Variants in FGD4 observed in about 807,000 individuals in gnomAD.
The protein encoded by FGD4 is FYVE, RhoGEF and PH domain containing 4, also known as FYVE, RhoGEF and PH domain-containing protein 4.
Under a neutral mutation model 102.0 loss-of-function variants are expected in FGD4, and 42 were observed. The observed-to-expected ratio is 0.41, with a 90% confidence interval of 0.32 to 0.53. The LOEUF (loss-of-function observed/expected upper bound fraction) is 0.53. FGD4 is among the 20% of genes least tolerant of loss of function. The pLI, the probability that FGD4 is intolerant of heterozygous loss-of-function variation, is 0.21. For synonymous variants in FGD4, 380 were observed against 375.7 expected, an observed-to-expected ratio of 1.01 and a Z score of -0.13; for missense variants, 902 against 1,078.2, an observed-to-expected ratio of 0.84 and a Z score of 2.29.
intron 4 of FGD4, among the ~76,000 whole-genome samples, chr12:32,585,212 C>G (rs1286816527): frequency 8.3e-6 from 1 of 120,970 alleles, no homozygotes; most frequent in African/African-American, 3.0e-5. Context: ...GAGACCCTGT[C>G]TCAAAAATTT....
At chr12:32,635,999 G>A (rs530222570) in intron 15 of FGD4, among the ~76,000 whole-genome samples, 4 of 147,080 alleles carry the variant, frequency 2.7e-5, no homozygotes, top group South Asian at 2.2e-4. Flanking sequence ...GTGACAGGGC[G>A]AGACTCTGTC....
At chr12:32,604,617 T>G (rs980121647) in intron 7 of FGD4, among the ~76,000 whole-genome samples, 2 of 152,218 alleles carry the variant, frequency 1.3e-5, no homozygotes, top group African/African-American at 4.8e-5. Flanking sequence ...CACCTCTCAC[T>G]CACCTCAGGG....
chr12:32,439,135 C>A (rs1306652455), intron 1 of FGD4, among the ~76,000 whole-genome samples: 3 of 152,204 alleles, frequency 2.0e-5, no homozygotes, highest in African/African-American at 7.2e-5. Flanking sequence ...GCACCCCCAA[C>A]TCCCAGTGCC....
At chr12:32,628,479 G>A (rs1431224977) in intron 14 of FGD4, among the ~76,000 whole-genome samples, 2 of 152,014 alleles carry the variant, frequency 1.3e-5, no homozygotes, top group Admixed American at 6.6e-5. Flanking sequence ...AGGGGAAAGT[G>A]GGAGATGGCG....
intron 1 of FGD4, among the ~76,000 whole-genome samples, chr12:32,526,097 C>A (rs879307713): frequency 4.7e-4 from 72 of 152,374 alleles, no homozygotes; most frequent in Non-Finnish European, 7.2e-4. Flanking sequence ...ACCTGCAGCC[C>A]CGGTGCGGGA....
chr12:32,444,908 A>G (rs1387037137), intron 1 of FGD4, among the ~76,000 whole-genome samples: 1 of 152,196 alleles, frequency 6.6e-6, no homozygotes, highest in Non-Finnish European at 1.5e-5. Context: ...ATATATTTGA[A>G]ATGGTGATTG....
chr12:32,552,712 A>C (rs760475410), intron 1 of FGD4, among the ~76,000 whole-genome samples: 3 of 152,054 alleles, frequency 2.0e-5, no homozygotes, highest in Admixed American at 6.6e-5. Context: ...GTCTCTACCT[A>C]AGAAAACAGC....
In FGD4 at chr12:32,435,739, G is replaced by C. The variant is rs115025837; in HGVS notation, c.166+35780G>C. On this transcript the variant is annotated intron_variant, in intron 1 of 16. Transcript: ENST00000534526. ...TACATGGTATTTCTGGCAGTGATGG[G>C]TGGCCCCGCTTTCTGATTACATAAA... 9.2e-3 allele frequency among the ~76,000 whole-genome samples: 1,402 copies of C among 152,144 alleles called. 35 individuals are homozygous for C. The highest frequency in any genetic ancestry group is 0.032 in the African/African-American group (1,341 of 41,486).
chr12:32,533,206 G>A (rs938090964), intron 1 of FGD4, among the ~76,000 whole-genome samples: 1 of 152,088 alleles, frequency 6.6e-6, no homozygotes, highest in Admixed American at 6.5e-5. Flanking sequence ...CAAATTATGT[G>A]GCCCCACCAT....
In FGD4 at chr12:32,486,564, T is replaced by C. The variant is rs551620836; in HGVS notation, c.167-77573T>C. Reference sequence around the variant, plus strand: ...TTTCTAATATTTAAGATTTACACTTTAGCCAGTTTCTTAAAACTTATTTGT... The same window carrying C: ...TTTCTAATATTTAAGATTTACACTTCAGCCAGTTTCTTAAAACTTATTTGT... On this transcript the variant is annotated intron_variant, in intron 1 of 16. Coordinates refer to ENST00000534526, the MANE Select transcript of FGD4 (RefSeq NM_001370298.3). 5.3e-5 allele frequency among the ~76,000 whole-genome samples: 8 copies of C among 152,356 alleles called. No individual in the cohort carries two copies. In the South Asian group the frequency reaches 1.7e-3, roughly 32 times the overall value.
At chr12:32,602,104 G>A (rs1948465481) in intron 6 of FGD4, 57 bp from the exon 7 acceptor site, 3 of 1,523,890 alleles carry the variant, frequency 2.0e-6, no homozygotes, top group Non-Finnish European at 2.7e-6. Flanking sequence ...GACAGAACAA[G>A]ACCCTGTCTC....
Position 32,521,577 on chromosome 12 carries a change from A to T in FGD4, c.167-42560A>T, listed in dbSNP as rs1330375601. 2.6e-5 allele frequency among the ~76,000 whole-genome samples: 4 copies of T among 152,212 alleles called. No individual in the cohort carries two copies. The East Asian group carries it at 7.7e-4, about 29-fold the overall frequency. The stretch of plus-strand genomic sequence containing the variant: ...CCAAGTCCCTAACAATGTGTCCTGT[A>T]TACTATATTGAGTCCCATATGGGGC... On this transcript the variant is annotated intron_variant, in intron 1 of 16. Transcript: ENST00000534526.
intron 1 of FGD4, among the ~76,000 whole-genome samples, chr12:32,551,791 G>A (rs893253399): frequency 9.2e-5 from 14 of 152,126 alleles, no homozygotes; most frequent in African/African-American, 2.4e-4. Flanking sequence ...AGTAATATGC[G>A]TGGAGTTCTT....
chr12:32,577,462 A>G (rs893018113), intron 3 of FGD4, among the ~76,000 whole-genome samples: 2 of 152,206 alleles, frequency 1.3e-5, no homozygotes, highest in African/African-American at 4.8e-5. Flanking sequence ...TCTTCTGGGA[A>G]TTGTGAACAA....
intron 11 of FGD4, among the ~76,000 whole-genome samples, chr12:32,620,470 G>A (rs1484807193): frequency 6.7e-6 from 1 of 148,672 alleles, no homozygotes; most frequent in Non-Finnish European, 1.5e-5. Flanking sequence ...GGAGAGAAAG[G>A]TTTGGAGTTC....
rs1267043755 is a variant in FGD4, at chr12:32,561,070, G to GTTTTTTTTTTTTTTTTT, written c.167-3063_167-3062insTTTTTTTTTTTTTTTTT. ...AGCAGAAATGTGGTTTCTTTGTTGG[G>GTTTTTTTTTTTTTTTTT]TTTTGTTTTTTTTTTTTTTTTTTTT... On this transcript the variant is annotated intron_variant, in intron 1 of 16. Coordinates refer to ENST00000534526, the MANE Select transcript of FGD4 (RefSeq NM_001370298.3). 3.6e-4 allele frequency among the ~76,000 whole-genome samples: 33 copies of GTTTTTTTTTTTTTTTTT among 90,808 alleles called. 5 individuals carry two copies. Among genetic ancestry groups the GTTTTTTTTTTTTTTTTT allele is most frequent in the Non-Finnish European group, 6.3e-4 (29 of 46,052 alleles). 59.6% of individuals were successfully genotyped at this position (90,808 alleles called of 152,430 possible).
intron 7 of FGD4, among the ~76,000 whole-genome samples, chr12:32,603,044 A>C (rs1836463206): frequency 6.6e-6 from 1 of 152,284 alleles, no homozygotes; most frequent in Non-Finnish European, 1.5e-5. Flanking sequence ...ACTCACCTTA[A>C]TTCTTGTAAA....
chr12:32,604,384 T>C lies in FGD4; in HGVS notation c.1404+2067T>C, dbSNP rs569334115. Among the ~76,000 whole-genome samples the C allele has an allele frequency of 4.6e-5, 7 of 152,276 alleles. No homozygotes were observed. In the South Asian group the frequency reaches 1.5e-3, roughly 32 times the overall value. On this transcript the variant is annotated intron_variant, in intron 7 of 16. Transcript: ENST00000534526. ...TTTTGTTTGTTTTGGAAATGGTGTC[T>C]TGCTGTGTTGCCTAGGCTGGCCTTG...
intron 1 of FGD4, among the ~76,000 whole-genome samples, chr12:32,429,031 T>G (rs1225865889): frequency 6.6e-6 from 1 of 152,202 alleles, no homozygotes; most frequent in East Asian, 1.9e-4. Flanking sequence ...CTTCTGTCAA[T>G]TCATCACACT....
Sources: gnomAD v4.1 joint callset for allele counts (sites outside exome capture counted in the v4.1 genomes callset) on GRCh38, gnomAD v4.1.1 for gene constraint, MANE v1.5 for transcripts, NCBI Gene and HGNC (gene_info 2026-07-23, HGNC 2026-07-21) for gene names.